The following SEMA3D variants were observed in gnomAD, a reference collection of about 807,000 sequenced individuals.
SEMA3D encodes semaphorin 3D.
In SEMA3D, 84 loss-of-function variants were observed where a neutral mutation model predicts 100.1. The ratio of observed to expected loss-of-function variants is 0.84; its 90% CI spans 0.70 to 1.01. The LOEUF is 1.01. Among genes scored for constraint, SEMA3D ranks in the 50% least tolerant of loss-of-function variants. The probability of loss-of-function intolerance (pLI) is 0.00; values close to 1 mark genes in which losing one functional copy is unlikely to be tolerated. For missense variants in SEMA3D, 875 were observed against 934.1 expected (o/e 0.94, Z 0.82); for synonymous variants, 312 against 320.7 (o/e 0.97, Z 0.29).
chr7:85,013,660 C>T (rs1422194232), intron 16 of SEMA3D, among the ~76,000 whole-genome samples: 1 of 151,692 alleles, frequency 6.6e-6, no homozygotes, highest in Non-Finnish European at 1.5e-5. Flanking sequence ...GAGGGTAATG[C>T]TGAACAGATG....
At chr7:85,171,746 T>A (rs1791088068) in intron 1 of SEMA3D, among the ~76,000 whole-genome samples, 1 of 152,000 alleles carries the variant, frequency 6.6e-6, no homozygotes, top group South Asian at 2.1e-4. Flanking sequence ...AAATTTATAA[T>A]ACGTATTCAC....
chr7:85,058,364 G>T (rs1025386202), intron 8 of SEMA3D, among the ~76,000 whole-genome samples: 1 of 151,812 alleles, frequency 6.6e-6, no homozygotes. Context: ...AGTAAATCAC[G>T]AATACTTGGT....
the SEMA3D span, among the ~76,000 whole-genome samples, chr7:85,196,150 C>T: frequency 2.6e-5 from 4 of 152,164 alleles, no homozygotes; most frequent in East Asian, 3.9e-4. Context: ...CTTTTTCCCC[C>T]GCAACATTTC....
chr7:85,224,826 C>T, the SEMA3D span, among the ~76,000 whole-genome samples: 1 of 151,718 alleles, frequency 6.6e-6, no homozygotes, highest in African/African-American at 2.4e-5. Flanking sequence ...TAAAGCCTTG[C>T]TTTATACTGA....
intron 1 of SEMA3D, chr7:85,163,146 A>C (rs1790794985): frequency 5.6e-6 from 1 of 179,804 alleles, no homozygotes; most frequent in Admixed American, 6.5e-5. Flanking sequence ...CTCTCCATGA[A>C]AGTGAGCCAA....
chr7:85,041,062 C>CTTT (rs72214529), intron 10 of SEMA3D: 2 of 152,132 alleles, frequency 1.3e-5, no homozygotes, highest in South Asian at 1.6e-4. Flanking sequence ...ATTAATTTGC[C>CTTT]TTTTTTTTTT....
At chr7:85,196,093 T>C in the SEMA3D span, among the ~76,000 whole-genome samples, 2 of 152,262 alleles carry the variant, frequency 1.3e-5, no homozygotes, top group Non-Finnish European at 2.9e-5. Context: ...ACATAATCAA[T>C]AGTTTTAGAA....
At chr7:85,018,136 G>A in intron 15 of SEMA3D, 116 bp downstream of exon 15, 1 of 728,588 alleles carries the variant, frequency 1.4e-6, no homozygotes, top group South Asian at 1.6e-5. Flanking sequence ...AACAAATAAT[G>A]TTTTAAATTT....
At chr7:85,152,709 A>G (rs1390026433) in intron 2 of SEMA3D, among the ~76,000 whole-genome samples, 1 of 152,180 alleles carries the variant, frequency 6.6e-6, no homozygotes, top group South Asian at 2.1e-4. Context: ...TTGAAAGAGT[A>G]TATTTTAGAA....
intron 8 of SEMA3D, among the ~76,000 whole-genome samples, chr7:85,062,126 T>G (rs1791494875): frequency 6.6e-6 from 1 of 152,222 alleles, no homozygotes; most frequent in Non-Finnish European, 1.5e-5. Context: ...ATACACATAT[T>G]CGAGCTTCAA....
chr7:85,203,821 A>G, the SEMA3D span, among the ~76,000 whole-genome samples: 2 of 152,230 alleles, frequency 1.3e-5, no homozygotes, highest in East Asian at 3.9e-4. Flanking sequence ...AACAAAAACA[A>G]AAACAAAAAC....
In SEMA3D at chr7:85,121,725, A is replaced by C. The variant is rs1789417778; in HGVS notation, c.151+16T>G. ...AAAATCTTAATAAACAATTTAGAAA[A>C]TATGTATATATTTACCTTTGTAGGT... is the stretch of plus-strand genomic sequence containing the variant. On this transcript the variant is annotated intron_variant, in intron 3 of 18. Coordinates refer to ENST00000284136, the MANE Select transcript of SEMA3D (RefSeq NM_001384900.1). The C allele has an allele frequency of 3.6e-6, 5 of 1,376,296 alleles. No individual in the cohort carries two copies. Among genetic ancestry groups the C allele is most frequent in the Non-Finnish European group, 5.0e-6 (5 of 1,008,142 alleles). The allele number at this position is 1,376,296 out of a possible 1,614,324, so 85.3% of individuals were successfully genotyped here. A position where few individuals can be genotyped will look rare whatever the true frequency, so the allele number is the denominator to read the frequency against.
At chr7:85,034,594 G>A (rs922477450) in intron 12 of SEMA3D, among the ~76,000 whole-genome samples, 1 of 151,952 alleles carries the variant, frequency 6.6e-6, no homozygotes, top group South Asian at 2.1e-4. Context: ...GCAACAGAGC[G>A]AGACTCTGAC....
the SEMA3D span, among the ~76,000 whole-genome samples, chr7:85,237,093 A>T: frequency 6.6e-6 from 1 of 152,248 alleles, no homozygotes; most frequent in Non-Finnish European, 1.5e-5. Context: ...TCATGCACTC[A>T]TAATTAAGGG....
At chr7:85,199,470 T>A in the SEMA3D span, among the ~76,000 whole-genome samples, 4 of 152,208 alleles carry the variant, frequency 2.6e-5, no homozygotes, top group Non-Finnish European at 4.4e-5. Context: ...CATAATATTG[T>A]GTATTGTGGT....
chr7:85,035,696 G>A (rs1790674977), intron 12 of SEMA3D, among the ~76,000 whole-genome samples: 2 of 151,474 alleles, frequency 1.3e-5, no homozygotes, highest in South Asian at 4.2e-4. Context: ...AATAATGGAT[G>A]GTAAATTAAA....
At chr7:85,147,517 T>C (rs1790251002) in intron 2 of SEMA3D, among the ~76,000 whole-genome samples, 1 of 152,138 alleles carries the variant, frequency 6.6e-6, no homozygotes, top group Non-Finnish European at 1.5e-5. Context: ...AGATGTGCTG[T>C]TAGCAACCTG....
the SEMA3D span, among the ~76,000 whole-genome samples, chr7:85,202,022 G>GTC: frequency 6.0e-3 from 911 of 151,384 alleles, 11 homozygotes; most frequent in African/African-American, 0.021. Flanking sequence ...ACTAGTCTCT[G>GTC]TCTCTCTCTC....
At chr7:85,058,851 C>A (rs376896659) in intron 8 of SEMA3D, among the ~76,000 whole-genome samples, 2 of 149,296 alleles carry the variant, frequency 1.3e-5, no homozygotes, top group East Asian at 4.0e-4. Context: ...TAATGTATTT[C>A]ATTACTATTA....
Sources: gnomAD v4.1 joint callset for allele counts (sites outside exome capture counted in the v4.1 genomes callset) on GRCh38, gnomAD v4.1.1 for gene constraint, MANE v1.5 for transcripts, NCBI Gene and HGNC (gene_info 2026-07-23, HGNC 2026-07-21) for gene names.